The following KCNH8 variants were observed in gnomAD, a reference collection of about 807,000 sequenced individuals.
KCNH8 encodes the protein voltage-gated delayed rectifier potassium channel KCNH8.
Under a neutral mutation model 103.6 loss-of-function variants are expected in KCNH8, and 70 were observed. That is an observed-to-expected ratio of 0.68 (90% confidence interval 0.56 to 0.82). The LOEUF (loss-of-function observed/expected upper bound fraction) is 0.82, where lower values mean the gene tolerates loss of function less well. Ranked by LOEUF, KCNH8 falls within the 40% of genes least tolerant of loss-of-function variation. The pLI is 0.00. For synonymous variants in KCNH8, 498 were observed against 489.4 expected, an observed-to-expected ratio of 1.02 and a Z score of -0.23; for missense variants, 1,217 against 1,329.9, an observed-to-expected ratio of 0.92 and a Z score of 1.32.
intron 1 of KCNH8, among the ~76,000 whole-genome samples, chr3:19,160,107 G>A (rs902176663): frequency 2.0e-5 from 3 of 152,108 alleles, no homozygotes; most frequent in African/African-American, 7.2e-5. Context: ...TGTCATGGGT[G>A]CCCACATTGA....
At chr3:19,440,590 C>T (rs2067268223) in intron 8 of KCNH8, among the ~76,000 whole-genome samples, 1 of 152,072 alleles carries the variant, frequency 6.6e-6, no homozygotes, top group Non-Finnish European at 1.5e-5. Context: ...AAAAGCCTGC[C>T]ACCATGATTC....
intron 1 of KCNH8, among the ~76,000 whole-genome samples, chr3:19,205,676 T>C (rs1049999409): frequency 1.3e-5 from 2 of 151,720 alleles, no homozygotes; most frequent in Non-Finnish European, 2.9e-5. Context: ...AGTAATAGCA[T>C]CAAGGAAGAT....
chr3:19,463,163 C>T (rs2067668496), intron 11 of KCNH8, among the ~76,000 whole-genome samples: 1 of 152,082 alleles, frequency 6.6e-6, no homozygotes, highest in Admixed American at 6.6e-5. Context: ...CATTTTATAT[C>T]AGGGCTTAGA....
At chr3:19,510,151 T>C (rs1444111690) in intron 11 of KCNH8, among the ~76,000 whole-genome samples, 15 of 152,240 alleles carry the variant, frequency 9.9e-5, no homozygotes, top group Admixed American at 7.2e-4. Context: ...TCAGTAGTGG[T>C]CCTAGAGGAT....
chr3:19,427,124 C>A (rs1170843209), intron 7 of KCNH8, among the ~76,000 whole-genome samples: 1 of 152,166 alleles, frequency 6.6e-6, no homozygotes, highest in Non-Finnish European at 1.5e-5. Context: ...GGAGTTAGAT[C>A]TAGATATCGA....
chr3:19,433,822 T>C (rs759325067), intron 7 of KCNH8, among the ~76,000 whole-genome samples: 1 of 152,186 alleles, frequency 6.6e-6, no homozygotes, highest in African/African-American at 2.4e-5. Context: ...CAAATAACAC[T>C]AAATGCCGTT....
chr3:19,294,237 T>A (rs1172417042), intron 3 of KCNH8, among the ~76,000 whole-genome samples: 1 of 152,150 alleles, frequency 6.6e-6, no homozygotes, highest in Admixed American at 6.6e-5. Flanking sequence ...TTATTTGTTA[T>A]AAAAAATAAA....
chr3:19,207,376 A>T (rs1413776083), intron 1 of KCNH8, among the ~76,000 whole-genome samples: 2 of 152,022 alleles, frequency 1.3e-5, no homozygotes, highest in African/African-American at 4.8e-5. Flanking sequence ...GCTGACACAT[A>T]GTGTGTATTC....
chr3:19,409,436 A>G (rs577420392), intron 7 of KCNH8, among the ~76,000 whole-genome samples: 20 of 152,286 alleles, frequency 1.3e-4, no homozygotes, highest in Admixed American at 1.2e-3. Context: ...CAGCTCACAG[A>G]CCCCATAAAG....
intron 11 of KCNH8, among the ~76,000 whole-genome samples, chr3:19,479,737 G>T (rs1037640355): frequency 6.6e-6 from 1 of 152,160 alleles, no homozygotes; most frequent in Non-Finnish European, 1.5e-5. Flanking sequence ...GATTTTGCAG[G>T]AGTAGACATT....
chr3:19,451,786 A>C lies in KCNH8; in HGVS notation c.1825+382A>C, dbSNP rs147049276. ...TAAGAGGGCATTTATTTTTGTGGAAAATTAATTCAGAGAACACAAAAATTA... is the reference window on the plus strand; with the variant it reads ...TAAGAGGGCATTTATTTTTGTGGAACATTAATTCAGAGAACACAAAAATTA... On this transcript the variant is annotated intron_variant, in intron 10 of 15. Transcript: ENST00000328405. 3.0e-3 allele frequency among the ~76,000 whole-genome samples: 461 copies of C among 152,308 alleles called. 3 individuals are homozygous for C. The highest frequency in any genetic ancestry group is 0.011 in the African/African-American group (450 of 41,572).
At chr3:19,245,985 T>C (rs2064199271) in intron 1 of KCNH8, among the ~76,000 whole-genome samples, 1 of 152,156 alleles carries the variant, frequency 6.6e-6, no homozygotes, top group African/African-American at 2.4e-5. Context: ...TAAGGGACAA[T>C]AAACCTGACA....
At chr3:19,386,603 G>A (rs999426137) in intron 5 of KCNH8, among the ~76,000 whole-genome samples, 31 of 152,144 alleles carry the variant, frequency 2.0e-4, no homozygotes, top group Admixed American at 6.6e-4. Context: ...GTATATGTGT[G>A]TGTTTTGTAC....
chr3:19,320,693 T>A (rs2125303464), intron 3 of KCNH8, among the ~76,000 whole-genome samples: 1 of 152,118 alleles, frequency 6.6e-6, no homozygotes, highest in African/African-American at 2.4e-5. Flanking sequence ...ATTGGCCTTA[T>A]AGAATGATTT....
At chr3:19,481,221 T>C (rs1378697179) in intron 11 of KCNH8, among the ~76,000 whole-genome samples, 1 of 152,152 alleles carries the variant, frequency 6.6e-6, no homozygotes, top group African/African-American at 2.4e-5. Context: ...GTTACATAGA[T>C]ATACTGACTA....
chr3:19,495,510 G>C (rs1012680011), intron 11 of KCNH8, among the ~76,000 whole-genome samples: 2 of 152,140 alleles, frequency 1.3e-5, no homozygotes, highest in African/African-American at 4.8e-5. Flanking sequence ...AGATCAGATA[G>C]TTGTAGGTGT....
At chr3:19,412,444 A>G (rs546711080) in intron 7 of KCNH8, among the ~76,000 whole-genome samples, 5 of 152,232 alleles carry the variant, frequency 3.3e-5, no homozygotes, top group African/African-American at 1.2e-4. Flanking sequence ...TAATTCTAGA[A>G]GAAAACCTAG....
intron 7 of KCNH8, among the ~76,000 whole-genome samples, chr3:19,433,509 A>G (rs534249609): frequency 1.4e-4 from 22 of 152,360 alleles, no homozygotes; most frequent in African/African-American, 5.0e-4. Context: ...AGATTATTCA[A>G]TCCAATCACT....
intron 7 of KCNH8, among the ~76,000 whole-genome samples, chr3:19,402,899 C>T (rs148707679): frequency 4.6e-4 from 70 of 151,886 alleles, no homozygotes; most frequent in African/African-American, 1.7e-3. Context: ...GCCACATTCT[C>T]GTTAGTCATT....
Sources: allele counts gnomAD v4.1 joint callset (sites outside exome capture counted in the v4.1 genomes callset), GRCh38; gene constraint gnomAD v4.1.1; transcripts MANE v1.5; gene names NCBI Gene and HGNC (gene_info 2026-07-23, HGNC 2026-07-21).